The following PAPPA2 variants were observed in gnomAD, a reference collection of about 807,000 sequenced individuals.
PAPPA2 encodes pappalysin-2.
A neutral mutation model predicts 176.4 loss-of-function variants in PAPPA2; 86 were observed. The observed-to-expected ratio is 0.49, with a 90% CI of 0.41 to 0.58. The LOEUF (loss-of-function observed/expected upper bound fraction) is 0.58, where lower values mean the gene tolerates loss of function less well. Among genes scored for constraint, PAPPA2 ranks in the 20% least tolerant of loss-of-function variants. The probability of loss-of-function intolerance (pLI) is 0.00; values close to 1 mark genes in which losing one functional copy is unlikely to be tolerated. For missense variants in PAPPA2, 2,073 were observed against 2,256.9 expected (o/e 0.92, Z 1.65); for synonymous variants, 809 against 852.2 (o/e 0.95, Z 0.88).
intron 17 of PAPPA2, among the ~76,000 whole-genome samples, chr1:176,774,157 C>A (rs1204721965): frequency 2.6e-5 from 4 of 152,216 alleles, no homozygotes; most frequent in Middle Eastern, 6.8e-3. Flanking sequence ...CCTTTTCTAG[C>A]TTTTTTTCCT....
At chr1:176,824,806 A>G (rs1447717144) in intron 21 of PAPPA2, among the ~76,000 whole-genome samples, 1 of 152,222 alleles carries the variant, frequency 6.6e-6, no homozygotes, top group Non-Finnish European at 1.5e-5. Flanking sequence ...ACTAATTAAA[A>G]ATGAGATTAG....
intron 4 of PAPPA2, among the ~76,000 whole-genome samples, chr1:176,684,653 G>A (rs1573248954): frequency 6.6e-6 from 1 of 152,090 alleles, no homozygotes; most frequent in Non-Finnish European, 1.5e-5. Flanking sequence ...TATAAAAAAT[G>A]ATAATCATAT....
At chr1:176,509,021 CAT>C (rs1413716740) in intron 1 of PAPPA2, among the ~76,000 whole-genome samples, 1 of 151,738 alleles carries the variant, frequency 6.6e-6, no homozygotes, top group East Asian at 1.9e-4. Flanking sequence ...AGCAGTCTGA[CAT>C]ATATATATGT....
intron 1 of PAPPA2, among the ~76,000 whole-genome samples, chr1:176,509,805 A>C (rs189441222): frequency 6.6e-6 from 1 of 151,892 alleles, no homozygotes; most frequent in East Asian, 1.9e-4. Flanking sequence ...AAATTTGAGA[A>C]CAGCCTGGGC....
chr1:176,834,008 GA>G (rs1320596070), intron 21 of PAPPA2, among the ~76,000 whole-genome samples: 1 of 152,124 alleles, frequency 6.6e-6, no homozygotes, highest in East Asian at 1.9e-4. Context: ...AGCAGTACAG[GA>G]ATAATGAAAA....
At chr1:176,689,704 G>T (rs1020011913) in intron 4 of PAPPA2, among the ~76,000 whole-genome samples, 96 of 152,122 alleles carry the variant, frequency 6.3e-4, no homozygotes, top group Non-Finnish European at 3.1e-4. Context: ...AAATCCCATG[G>T]GCTTTTGCCT....
intron 12 of PAPPA2, among the ~76,000 whole-genome samples, chr1:176,722,980 A>C (rs1228492845): frequency 6.6e-6 from 1 of 152,222 alleles, no homozygotes; most frequent in Admixed American, 6.5e-5. Flanking sequence ...TTATAAAGAA[A>C]ATAAGTTTGT....
chr1:176,574,430 G>A (rs1217783720), intron 2 of PAPPA2, among the ~76,000 whole-genome samples: 1 of 152,126 alleles, frequency 6.6e-6, no homozygotes, highest in Non-Finnish European at 1.5e-5. Context: ...TAGTAATTGA[G>A]CTAGTTGATC....
At chr1:176,506,881 T>C (rs902600629) in intron 1 of PAPPA2, among the ~76,000 whole-genome samples, 4 of 152,082 alleles carry the variant, frequency 2.6e-5, no homozygotes, top group Admixed American at 1.3e-4. Flanking sequence ...ACATTGGTCT[T>C]GGCGAGAAAT....
chr1:176,554,235 C>A (rs1445823338), intron 1 of PAPPA2, among the ~76,000 whole-genome samples: 1 of 152,076 alleles, frequency 6.6e-6, no homozygotes, highest in Non-Finnish European at 1.5e-5. Context: ...AGACTCAAGG[C>A]AGAAGAGGCA....
In PAPPA2 at chr1:176,765,647, T is replaced by A; in HGVS notation, c.4152-19T>A. On this transcript the variant is annotated intron_variant, in intron 14 of 22. Transcript: ENST00000367662. Reference sequence around the variant, plus strand: ...GGTTCTCAACCAGTCCTAAGATGGTTCTATTTCTCTTATCCCAGCTGTATC... The same window carrying A: ...GGTTCTCAACCAGTCCTAAGATGGTACTATTTCTCTTATCCCAGCTGTATC... 1.9e-6 allele frequency: 3 copies of A among 1,611,430 alleles called. No individual in the cohort carries two copies. The highest frequency in any genetic ancestry group is 2.5e-6 in the Non-Finnish European group (3 of 1,178,508).
intron 17 of PAPPA2, among the ~76,000 whole-genome samples, chr1:176,772,431 A>T (rs757509103): frequency 6.6e-6 from 1 of 152,196 alleles, no homozygotes; most frequent in Admixed American, 6.5e-5. Flanking sequence ...ACAGAAAAAA[A>T]TATCAGGAAA....
At chr1:176,492,151 T>C (rs1647324350) in intron 1 of PAPPA2, among the ~76,000 whole-genome samples, 1 of 152,150 alleles carries the variant, frequency 6.6e-6, no homozygotes. Flanking sequence ...TCAATGGTGC[T>C]CACAGAGCAT....
At position 176,721,029 on chromosome 1, in the gene PAPPA2, G is replaced by A. The variant is rs147391886; in HGVS notation, c.3798+9048G>A. On this transcript the variant is annotated intron_variant, in intron 12 of 22. Transcript: ENST00000367662. Reference sequence around the variant, plus strand: ...ATTAGATGGCACTCATCCACACTGAGGGTGGATCTTCCTCTCTCAGTCTGC... The same window carrying A: ...ATTAGATGGCACTCATCCACACTGAAGGTGGATCTTCCTCTCTCAGTCTGC... Among the ~76,000 whole-genome samples, 676 of 152,302 alleles carry A rather than the reference G, an allele frequency of 4.4e-3. 3 individuals carry two copies. Among genetic ancestry groups the A allele is most frequent in the Non-Finnish European group, 7.9e-3 (537 of 68,018 alleles).
intron 1 of PAPPA2, among the ~76,000 whole-genome samples, chr1:176,493,377 G>A (rs1264928592): frequency 6.6e-6 from 1 of 152,120 alleles, no homozygotes; most frequent in Non-Finnish European, 1.5e-5. Flanking sequence ...ATGAGTTTTT[G>A]TACAGCAACC....
At chr1:176,506,372 T>C (rs1483317919) in intron 1 of PAPPA2, among the ~76,000 whole-genome samples, 1 of 152,148 alleles carries the variant, frequency 6.6e-6, no homozygotes, top group East Asian at 1.9e-4. Flanking sequence ...GAATAGTTTT[T>C]TTCTAATTAT....
intron 1 of PAPPA2, chr1:176,537,270 C>T (rs1650116726): frequency 6.6e-6 from 1 of 152,230 alleles, no homozygotes; most frequent in Non-Finnish European, 1.5e-5. Flanking sequence ...CCAGGGCTGA[C>T]TCAATGGACA....
At chr1:176,645,712 A>G (rs1043902974) in intron 3 of PAPPA2, among the ~76,000 whole-genome samples, 16 of 151,706 alleles carry the variant, frequency 1.1e-4, no homozygotes, top group African/African-American at 3.6e-4. Flanking sequence ...CACCAACACT[A>G]TATGAAGGTA....
At chr1:176,763,243 G>A (rs1197191535) in intron 14 of PAPPA2, among the ~76,000 whole-genome samples, 1 of 152,086 alleles carries the variant, frequency 6.6e-6, no homozygotes, top group Non-Finnish European at 1.5e-5. Context: ...ATATCTTTGG[G>A]CTAATAATTA....
Sources: allele counts gnomAD v4.1 joint callset (sites outside exome capture counted in the v4.1 genomes callset), GRCh38; gene constraint gnomAD v4.1.1; transcripts MANE v1.5; gene names NCBI Gene and HGNC (gene_info 2026-07-23, HGNC 2026-07-21).